The following GOLGA8H variants were observed in gnomAD, a reference collection of about 807,000 sequenced individuals.
The protein encoded by GOLGA8H is golgin subfamily A member 8H.
A neutral mutation model predicts 82.7 loss-of-function variants in GOLGA8H; 47 were observed. That is an observed-to-expected ratio of 0.57 (90% CI 0.45 to 0.73). The LOEUF is 0.73. GOLGA8H is among the 30% of genes least tolerant of loss of function. The pLI, the probability that GOLGA8H is intolerant of heterozygous loss-of-function variation, is 0.00. For synonymous variants in GOLGA8H, 108 were observed against 241.6 expected, an observed-to-expected ratio of 0.45 and a Z score of 5.13; for missense variants, 372 against 661.0, an observed-to-expected ratio of 0.56 and a Z score of 4.79.
In GOLGA8H at chr15:30,610,055, A is replaced by T; in HGVS notation, c.735A>T (p.Leu245=). The part of the protein sequence containing the change: ...QLERDECAEH[L]KGERARWQQR... ...AAAGAGATGAGTGTGCTGAACATCTAAAAGGAGAGAGGGCCCGGTGGCAGC... is the reference window on the plus strand; with the variant it reads ...AAAGAGATGAGTGTGCTGAACATCTTAAAGGAGAGAGGGCCCGGTGGCAGC... The change falls in exon 10 of 19, where the codon CTA becomes CTT. Residue 245 remains leucine (L), a synonymous_variant. Transcript: ENST00000566740. 1 of 1,611,436 alleles carries T rather than the reference A, an allele frequency of 6.2e-7. No individual in the cohort carries two copies. The highest frequency in any genetic ancestry group is 1.1e-5 in the South Asian group (1 of 91,006).
rs2060103001 is a variant in GOLGA8H, at chr15:30,616,138, T to G, written c.*1577T>G. Among the ~76,000 whole-genome samples the G allele has an allele frequency of 6.6e-6, 1 of 152,012 alleles. No individual in the cohort carries two copies. The highest frequency in any genetic ancestry group is 6.6e-5 in the Admixed American group (1 of 15,246). ...GCCTATGCATGATGAATGAATGCAT[T>G]TCAGTTGTATATTGCCTAAATCGTA... On this transcript the variant is annotated 3_prime_UTR_variant, in exon 19 of 19. Transcript: ENST00000566740.
chr15:30,608,433 C>G (rs1206173123), intron 6 of GOLGA8H, 34 bp from the exon 7 acceptor site: 1 of 1,597,422 alleles, frequency 6.3e-7, no homozygotes, highest in Non-Finnish European at 8.5e-7. Flanking sequence ...TTCTTTCCTT[C>G]TCTTTCAGCA....
In GOLGA8H at chr15:30,610,191, G is replaced by C. The variant is rs539934108; in HGVS notation, c.786+85G>C. 9.1e-5 allele frequency: 144 copies of C among 1,575,596 alleles called. 1 individual carries two copies. In the African/African-American group the frequency reaches 1.7e-3, roughly 19 times the overall value. ...CTGTAAAATGGGAATAGTAGAGCCA[G>C]AGGTGGTCATGGGTCTGGGCTTTGT... is the stretch of plus-strand genomic sequence containing the variant. On this transcript the variant is annotated intron_variant, in intron 10 of 18. Transcript: ENST00000566740.
chr15:30,605,890 G>C lies in GOLGA8H; in HGVS notation c.96G>C (p.Ala32=), dbSNP rs779723114. ...ACAGCCCTAGAGTTCCAGCAGGAGC[G>C]AACAGGAACAGGAAAACAAATGGCA... The part of the protein sequence containing the change: ...QKNSPRVPAG[A]NRNRKTNGSV... Residue 32 remains alanine (A), a synonymous_variant, in exon 2 of 19, where the codon GCG becomes GCC. Transcript: ENST00000566740. The C allele has an allele frequency of 2.5e-6, 4 of 1,585,014 alleles. No homozygotes were observed. In the Admixed American group the frequency reaches 5.2e-5, roughly 20 times the overall value.
intron 14 of GOLGA8H, chr15:30,612,885 A>G (rs2060045272): frequency 1.5e-6 from 1 of 654,444 alleles, no homozygotes; most frequent in Non-Finnish European, 2.6e-6. Context: ...CAAGGTCAGA[A>G]AGGGAGCAGG....
intron 2 of GOLGA8H, 34 bp downstream of exon 2, chr15:30,605,996 G>A: frequency 3.2e-6 from 5 of 1,577,176 alleles, no homozygotes; most frequent in Non-Finnish European, 4.3e-6. Flanking sequence ...CTGGGGACAG[G>A]GGGCCCAAGG....
chr15:30,607,723 A>T lies in GOLGA8H; in HGVS notation c.310-307A>T, dbSNP rs941056555. ...CAGTAAATGTTTATTGAATGAACCC[A>T]CTTCTCTAAATCACAAGTTGCCAGA... On this transcript the variant is annotated intron_variant, in intron 4 of 18. Coordinates refer to ENST00000566740, the MANE Select transcript of GOLGA8H (RefSeq NM_001282490.2). The T allele has an allele frequency of 5.0e-6, 3 of 597,594 alleles. No individual in the cohort carries two copies. The African/African-American group carries it at 5.6e-5, about 11-fold the overall frequency. The allele number at this position is 597,594 out of a possible 1,614,324, so 37.0% of individuals were successfully genotyped here.
chr15:30,607,634 G>C, intron 4 of GOLGA8H: 1 of 439,724 alleles, frequency 2.3e-6, no homozygotes, highest in Non-Finnish European at 4.1e-6. Context: ...AGGGCTAAGG[G>C]CTCCTGTCTG....
rs1000339122 is a variant in GOLGA8H, at chr15:30,612,590, C to G, written c.1201-7C>G. The G allele has an allele frequency of 1.9e-6, 3 of 1,596,546 alleles. No homozygotes were observed. The highest frequency in any genetic ancestry group is 1.7e-5 in the Admixed American group (1 of 59,220). On this transcript the variant is annotated splice_polypyrimidine_tract_variant and splice_region_variant and intron_variant, in intron 13 of 18. Transcript: ENST00000566740. ...CCACCCCTTCTCACTCTGTCCTGGC[C>G]CCTTAGGAGCACCTGGAAGCTGCCA...
intron 8 of GOLGA8H, 27 bp from the exon 9 acceptor site, chr15:30,609,779 T>C (rs757924668): frequency 6.5e-7 from 1 of 1,543,388 alleles, no homozygotes; most frequent in South Asian, 1.1e-5. Flanking sequence ...CTCTCCAGAT[T>C]GAAACTTCTC....
Position 30,605,826 on chromosome 15 carries a change from G to T in GOLGA8H, c.49-17G>T, listed in dbSNP as rs771169864. 7.5e-6 allele frequency: 12 copies of T among 1,591,276 alleles called. No individual in the cohort carries two copies. The Admixed American group carries it at 1.0e-4, about 13-fold the overall frequency. On this transcript the variant is annotated splice_polypyrimidine_tract_variant and intron_variant, in intron 1 of 18. Coordinates refer to ENST00000566740, the MANE Select transcript of GOLGA8H (RefSeq NM_001282490.2). ...GCTGACGGTTCTCATGAGTATTACT[G>T]CTCTTCTTTCCAACAGTTAAAAGAA...
intron 1 of GOLGA8H, among the ~76,000 whole-genome samples, chr15:30,605,295 G>GA (rs1438320528): frequency 6.7e-6 from 1 of 149,534 alleles, no homozygotes; most frequent in Non-Finnish European, 1.5e-5. Context: ...GAGATCAAGA[G>GA]AAAAAACATG....
intron 13 of GOLGA8H, 75 bp downstream of exon 13, chr15:30,611,421 G>A (rs2338479): frequency 8.9e-6 from 13 of 1,463,740 alleles, no homozygotes; most frequent in East Asian, 4.9e-5. Flanking sequence ...GAGGGGAGGT[G>A]CCAGGCCAGA....
At chr15:30,608,402 C>G (rs1595620510) in intron 6 of GOLGA8H, 24 bp downstream of exon 6, 2 of 1,569,810 alleles carry the variant, frequency 1.3e-6, no homozygotes, top group East Asian at 4.6e-5. Context: ...GTGCAGTTTC[C>G]TCCTGTCCTC....
chr15:30,613,351 G>T (rs554860284), intron 15 of GOLGA8H, among the ~76,000 whole-genome samples, 156 bp downstream of exon 15: 2 of 94,090 alleles, frequency 2.1e-5, no homozygotes, highest in South Asian at 2.9e-4. Context: ...TGGCCAACAG[G>T]TGCACTCTCT....
rs1221066510 is a variant in GOLGA8H at position 30,616,765 on chromosome 15, TTATC to T, written c.*2207_*2210del. 6.8e-6 allele frequency among the ~76,000 whole-genome samples: 1 copy of T among 147,310 alleles called. No individual in the cohort carries two copies. The highest frequency in any genetic ancestry group is 2.5e-5 in the African/African-American group (1 of 39,706). On this transcript the variant is annotated 3_prime_UTR_variant, in exon 19 of 19. Coordinates refer to ENST00000566740, the MANE Select transcript of GOLGA8H (RefSeq NM_001282490.2). Reference sequence around the variant, plus strand: ...TTCTTTTATCATTCTGAAACTGGGTTTATCTAATACATTGATAAATTATTGCAAA... The same window carrying T: ...TTCTTTTATCATTCTGAAACTGGGTTTAATACATTGATAAATTATTGCAAA...
rs1207325577 is a variant in GOLGA8H at position 30,604,090 on chromosome 15, C to T, written c.-36C>T. ...ATTGGTTCTCATTGAGATTTTGCTG[C>T]TGTGACCCCAACCCTGCCTCCCTCC... On this transcript the variant is annotated 5_prime_UTR_variant, in exon 1 of 19. Coordinates refer to ENST00000566740, the MANE Select transcript of GOLGA8H (RefSeq NM_001282490.2). The T allele has an allele frequency of 1.3e-6, 2 of 1,543,674 alleles. No homozygotes were observed. Among genetic ancestry groups the T allele is most frequent in the Non-Finnish European group, 1.7e-6 (2 of 1,149,138 alleles).
rs370607002 is a variant in GOLGA8H at position 30,613,008 on chromosome 15, A to T, written c.1277-96A>T. On this transcript the variant is annotated intron_variant, in intron 14 of 18. Transcript: ENST00000566740. The stretch of plus-strand genomic sequence containing the variant: ...AGCTCATTCCTCTCTGGGGAGGGGC[A>T]GGCTCAGGGTTACACAGTGAGGGTG... 732 of 711,512 alleles carry T rather than the reference A, an allele frequency of 1.0e-3. 6 individuals carry two copies. Among genetic ancestry groups the T allele is most frequent in the East Asian group, 2.6e-3 (101 of 38,144 alleles). The allele number at this position is 711,512 out of a possible 1,614,324, so 44.1% of individuals were successfully genotyped here.
chr15:30,607,708 T>G lies in GOLGA8H; in HGVS notation c.310-322T>G, dbSNP rs929687402. On this transcript the variant is annotated intron_variant, in intron 4 of 18. Transcript: ENST00000566740. ...TGGTCCATACATGCTCAGTAAATGT[T>G]TATTGAATGAACCCACTTCTCTAAA... 5.1e-6 allele frequency: 3 copies of G among 584,420 alleles called. No individual in the cohort carries two copies. The African/African-American group carries it at 5.7e-5, about 11-fold the overall frequency. 36.2% of individuals were successfully genotyped at this position (584,420 alleles called of 1,614,324 possible).
Sources: allele counts gnomAD v4.1 joint callset (sites outside exome capture counted in the v4.1 genomes callset), GRCh38; gene constraint gnomAD v4.1.1; transcripts MANE v1.5; gene names NCBI Gene and HGNC (gene_info 2026-07-23, HGNC 2026-07-21).